The following SLC17A9 variants were observed in gnomAD, a reference collection of about 807,000 sequenced individuals.
SLC17A9 encodes the protein solute carrier family 17 member 9.
A neutral mutation model predicts 55.0 loss-of-function variants in SLC17A9; 49 were observed. The ratio of observed to expected loss-of-function variants is 0.89; its 90% CI spans 0.71 to 1.13. The LOEUF is 1.13. Ranked by LOEUF, SLC17A9 falls within the 50% of genes most tolerant of loss-of-function variation. SLC17A9 has a pLI of 0.00. For missense variants in SLC17A9, 526 were observed against 569.3 expected, an observed-to-expected ratio of 0.92 and a Z score of 0.77; for synonymous variants, 256 against 247.4, an observed-to-expected ratio of 1.03 and a Z score of -0.32.
In SLC17A9 at chr20:62,962,412, C is replaced by T; in HGVS notation, c.498-212C>T. 2.1e-6 allele frequency: 1 copy of T among 477,238 alleles called. No homozygotes were observed. The highest frequency in any genetic ancestry group is 3.7e-6 in the Non-Finnish European group (1 of 272,160). The allele number at this position is 477,238 out of a possible 1,614,324, so 29.6% of individuals were successfully genotyped here. A position where few individuals can be genotyped will look rare whatever the true frequency, so the allele number is the denominator to read the frequency against. ...CATGCGTGGCTGGTCCCAGGTTCGC[C>T]CCAGCCCTGTGTGCCCGGAGTCTCC... On this transcript the variant is annotated intron_variant, in intron 4 of 12. Coordinates refer to ENST00000370351, the MANE Select transcript of SLC17A9 (RefSeq NM_022082.4). The surrounding 1 kb of genome is among the most constrained non-coding windows in gnomAD (Gnocchi z 5.5).
Position 62,967,360 on chromosome 20 carries a change from G to A in SLC17A9, c.1171G>A (p.Gly391Ser), listed in dbSNP as rs1395502613. Residue 391 changes from glycine (G) to serine (S), a missense_variant, in exon 13 of 13, where the codon GGC becomes AGC. Physicochemically the swap from Gly to Ser is moderately conservative, Grantham distance 56. Transcript: ENST00000370351. ...LAGVVGVCLG[G>S]YLMETTGSWT... ...AGGTGTCGTGGGTGTGTGTCTAGGC[G>A]GCTACTTGATGGAGACCACGGGCTC... 1.2e-5 allele frequency: 20 copies of A among 1,613,968 alleles called. No individual in the cohort carries two copies. Among genetic ancestry groups the A allele is most frequent in the South Asian group, 3.3e-5 (3 of 91,086 alleles).
In SLC17A9 at chr20:62,969,371, T is replaced by TC. The variant is rs11402000; in HGVS notation, c.*1875dup. 110,413 of 152,000 alleles carry TC rather than the reference T, an allele frequency of 0.73. 40,183 individuals carry two copies. Among genetic ancestry groups the TC allele is most frequent in the East Asian group, 0.76 (3,939 of 5,156 alleles). 9.4% of individuals were successfully genotyped at this position (152,000 alleles called of 1,614,324 possible). ...AGCTCTGTGCTCATTAAAGGCTAGC[T>TC]CCCCGTTGCTCTCCCCCAGCCCCGG... On this transcript the variant is annotated 3_prime_UTR_variant, in exon 13 of 13. Coordinates refer to ENST00000370351, the MANE Select transcript of SLC17A9 (RefSeq NM_022082.4).
chr20:62,954,851 C>T (rs185487074), intron 1 of SLC17A9, among the ~76,000 whole-genome samples: 3 of 152,360 alleles, frequency 2.0e-5, no homozygotes, highest in Non-Finnish European at 4.4e-5. Context: ...GTTCTCAGTC[C>T]TGTGCTGGCC....
chr20:62,967,614 C>T lies in SLC17A9; in HGVS notation c.*114C>T. ...TCAGACACACGAGCAGAGAGGAACA[C>T]AAACCACTGTGGAGCCTGAAGCTCC... On this transcript the variant is annotated 3_prime_UTR_variant, in exon 13 of 13. Transcript: ENST00000370351. 1.1e-6 allele frequency: 1 copy of T among 896,540 alleles called. No individual in the cohort carries two copies. The highest frequency in any genetic ancestry group is 1.5e-6 in the Non-Finnish European group (1 of 671,672). The allele number at this position is 896,540 out of a possible 1,614,324, so 55.5% of individuals were successfully genotyped here.
chr20:62,957,498 C>CGG lies in SLC17A9; in HGVS notation c.316_317insGG (p.Val106GlyfsTer9), dbSNP rs2065547249. Reference sequence around the variant, plus strand: ...CCTCTGCCTGGGGCTCCATCACGGCCGTCACCCCACTGCTCGCCCACCTGA... The same window carrying CGG: ...CCTCTGCCTGGGGCTCCATCACGGCCGGGTCACCCCACTGCTCGCCCACCTGA... On this transcript the variant is annotated frameshift_variant, in exon 3 of 13. Transcript: ENST00000370351. LOFTEE classifies it high-confidence loss of function. The CGG allele has an allele frequency of 1.2e-6, 2 of 1,609,658 alleles. No individual in the cohort carries two copies. The highest frequency in any genetic ancestry group is 8.5e-7 in the Non-Finnish European group (1 of 1,178,714).
intron 3 of SLC17A9, among the ~76,000 whole-genome samples, chr20:62,960,131 A>G (rs2065576548): frequency 6.6e-6 from 1 of 152,214 alleles, no homozygotes. Flanking sequence ...CACTGCCAAG[A>G]AGTGTGCCGG....
chr20:62,967,935 A>G lies in SLC17A9; in HGVS notation c.*435A>G, dbSNP rs990624536. Reference sequence around the variant, plus strand: ...GCTGGCACCAGGCTGCAGCCTCCCCAATCCCAGCCCACTTTGCTGTGTCTC... The same window carrying G: ...GCTGGCACCAGGCTGCAGCCTCCCCGATCCCAGCCCACTTTGCTGTGTCTC... On this transcript the variant is annotated 3_prime_UTR_variant, in exon 13 of 13. Coordinates refer to ENST00000370351, the MANE Select transcript of SLC17A9 (RefSeq NM_022082.4). 2 of 164,782 alleles carry G rather than the reference A, an allele frequency of 1.2e-5. No homozygotes were observed. Among genetic ancestry groups the G allele is most frequent in the Admixed American group, 6.0e-5 (1 of 16,622 alleles). The allele number at this position is 164,782 out of a possible 1,614,324, so 10.2% of individuals were successfully genotyped here. A position where few individuals can be genotyped will look rare whatever the true frequency, so the allele number is the denominator to read the frequency against.
chr20:62,965,296 C>T, intron 9 of SLC17A9, 130 bp downstream of exon 9: 1 of 1,232,336 alleles, frequency 8.1e-7, no homozygotes, highest in Admixed American at 1.8e-5. Flanking sequence ...CTCCATGTGT[C>T]CAGCACTGGG....
intron 3 of SLC17A9, among the ~76,000 whole-genome samples, chr20:62,957,848 T>C (rs1394307233): frequency 3.6e-5 from 4 of 112,474 alleles, no homozygotes; most frequent in African/African-American, 1.2e-4. Flanking sequence ...TGCGTGCACC[T>C]GTGCGTGTGC....
Position 62,966,529 on chromosome 20 carries a change from A to G in SLC17A9, c.1066A>G (p.Ile356Val). 3 of 1,613,770 alleles carry G rather than the reference A, an allele frequency of 1.9e-6. No individual in the cohort carries two copies. The highest frequency in any genetic ancestry group is 2.5e-6 in the Non-Finnish European group (3 of 1,179,858). Residue 356 changes from isoleucine (I) to valine (V), a missense_variant, in exon 11 of 13, where the codon ATT (isoleucine) becomes GTT (valine). Ile to Val is a conservative substitution (Grantham distance 29). Coordinates refer to ENST00000370351, the MANE Select transcript of SLC17A9 (RefSeq NM_022082.4). ...IGLQTFNHSG[I>V]SVNIQDLAPS... ...CACCCTCTTTCCTCCCCACAGTGGCATTTCTGTTAACATCCAGGACTTGGC... is the reference window on the plus strand; with the variant it reads ...CACCCTCTTTCCTCCCCACAGTGGCGTTTCTGTTAACATCCAGGACTTGGC...
chr20:62,966,991 C>G, intron 12 of SLC17A9: 1 of 584,194 alleles, frequency 1.7e-6, no homozygotes, highest in Non-Finnish European at 3.0e-6. Context: ...CCAGGGTCCC[C>G]GGGACACCTC....
At chr20:62,956,260 C>T (rs1271330463) in intron 1 of SLC17A9, among the ~76,000 whole-genome samples, 3 of 152,182 alleles carry the variant, frequency 2.0e-5, no homozygotes, top group East Asian at 1.9e-4. Flanking sequence ...CCGAGAAGGC[C>T]GTATACCTGC....
chr20:62,953,197 A>G (rs1365910943), intron 1 of SLC17A9: 2 of 1,550,424 alleles, frequency 1.3e-6, no homozygotes. Context: ...GTCAGGAGGC[A>G]TACCCCTCGC....
rs1416969296 is a variant in SLC17A9, at chr20:62,963,796, C to T, written c.822+116C>T. ...GGTGGAACCCTCGGCTCCTCCTGGACTCTGAGGGTCCTGGCACTGCCAGGC... is the reference window on the plus strand; with the variant it reads ...GGTGGAACCCTCGGCTCCTCCTGGATTCTGAGGGTCCTGGCACTGCCAGGC... On this transcript the variant is annotated intron_variant, in intron 7 of 12. Coordinates refer to ENST00000370351, the MANE Select transcript of SLC17A9 (RefSeq NM_022082.4). 37 of 937,872 alleles carry T rather than the reference C, an allele frequency of 3.9e-5. No homozygotes were observed. The East Asian group carries it at 8.7e-4, about 22-fold the overall frequency. The allele number at this position is 937,872 out of a possible 1,614,324, so 58.1% of individuals were successfully genotyped here.
At position 62,962,626 on chromosome 20, in the gene SLC17A9, C is replaced by A; in HGVS notation, c.500C>A (p.Thr167Lys). 8 of 1,613,670 alleles carry A rather than the reference C, an allele frequency of 5.0e-6. No homozygotes were observed. Among genetic ancestry groups the A allele is most frequent in the Non-Finnish European group, 6.8e-6 (8 of 1,179,692 alleles). The part of the protein sequence containing the change: ...SIVGAGSQFG[T>K]LLTGAVGSLL... ...CCACACTCCCCCTGTCTTTGCAGGA[C>A]GCTGCTGACCGGGGCGGTGGGCTCC... Residue 167 changes from threonine to lysine, a missense_variant and splice_region_variant, in exon 5 of 13, where the codon ACG becomes AAG. Coordinates refer to ENST00000370351, the MANE Select transcript of SLC17A9 (RefSeq NM_022082.4). This position sits in a 1 kb window ranked among gnomAD's most constrained non-coding sequence, Gnocchi z 5.5.
At position 62,957,487 on chromosome 20, in the gene SLC17A9, T is replaced by C; in HGVS notation, c.304T>C (p.Ser102Pro). ...VILLSASAWG[S>P]ITAVTPLLAH... ...CCTGCTGTCAGCCTCTGCCTGGGGC[T>C]CCATCACGGCCGTCACCCCACTGCT... The change falls in exon 3 of 13, where the codon TCC becomes CCC. Residue 102 changes from serine (S) to proline (P), a missense_variant. Physicochemically the swap from Ser to Pro is moderately conservative, Grantham distance 74. Transcript: ENST00000370351. The C allele has an allele frequency of 6.2e-7, 1 of 1,609,286 alleles. No individual in the cohort carries two copies.
rs1415649978 is a variant in SLC17A9 at position 62,958,519 on chromosome 20, C to A, written c.397+939C>A. 6.6e-6 allele frequency among the ~76,000 whole-genome samples: 1 copy of A among 152,106 alleles called. No individual in the cohort carries two copies. The highest frequency in any genetic ancestry group is 1.5e-5 in the Non-Finnish European group (1 of 67,988). On this transcript the variant is annotated intron_variant, in intron 3 of 12. Transcript: ENST00000370351. The surrounding 1 kb of genome is among the most constrained non-coding windows in gnomAD (Gnocchi z 4.1). ...CTGCAGGGGCCTGCTGGCCCCAACCCAGCCTGCCTGGCCACCCCACCCATC... is the reference window on the plus strand; with the variant it reads ...CTGCAGGGGCCTGCTGGCCCCAACCAAGCCTGCCTGGCCACCCCACCCATC...
Position 62,962,285 on chromosome 20 carries a change from A to T in SLC17A9, c.498-339A>T. 1 of 199,514 alleles carries T rather than the reference A, an allele frequency of 5.0e-6. No homozygotes were observed. Among genetic ancestry groups the T allele is most frequent in the Admixed American group, 5.7e-5 (1 of 17,438 alleles). The allele number at this position is 199,514 out of a possible 1,614,324, so 12.4% of individuals were successfully genotyped here. On this transcript the variant is annotated intron_variant, in intron 4 of 12. Transcript: ENST00000370351. The surrounding 1 kb of genome is among the most constrained non-coding windows in gnomAD (Gnocchi z 5.5). Reference sequence around the variant, plus strand: ...CCGTCTCCTCCTCGGTGCCGTTTTTAGTTGAAAAGGATCCACATGACAAAT... The same window carrying T: ...CCGTCTCCTCCTCGGTGCCGTTTTTTGTTGAAAAGGATCCACATGACAAAT...
At position 62,956,894 on chromosome 20, in the gene SLC17A9, C is replaced by T; in HGVS notation, c.189C>T (p.Gly63=). The change falls in exon 2 of 13, where the codon GGC becomes GGT. Residue 63 remains glycine, a synonymous_variant. Coordinates refer to ENST00000370351, the MANE Select transcript of SLC17A9 (RefSeq NM_022082.4). ...QDFGWNKKEA[G]IVLSSFFWGY... The stretch of plus-strand genomic sequence containing the variant: ...TCGGCTGGAACAAGAAGGAGGCCGG[C>T]ATCGTGCTCAGCAGCTTCTTCTGGG... 6.2e-7 allele frequency: 1 copy of T among 1,613,664 alleles called. No homozygotes were observed. Among genetic ancestry groups the T allele is most frequent in the Non-Finnish European group, 8.5e-7 (1 of 1,180,024 alleles).
Sources: allele counts gnomAD v4.1 joint callset (sites outside exome capture counted in the v4.1 genomes callset), GRCh38; gene constraint gnomAD v4.1.1; non-coding constraint Gnocchi (gnomAD v3.1); transcripts MANE v1.5; gene names NCBI Gene and HGNC (gene_info 2026-07-23, HGNC 2026-07-21).